The following CCDC149 variants were observed in gnomAD, a reference collection of about 807,000 sequenced individuals.
The protein encoded by CCDC149 is coiled-coil domain containing 149.
A neutral mutation model predicts 59.9 loss-of-function variants in CCDC149; 45 were observed. The ratio of observed to expected loss-of-function variants is 0.75; its 90% CI spans 0.59 to 0.96. The LOEUF (loss-of-function observed/expected upper bound fraction) is 0.96, where lower values mean the gene tolerates loss of function less well. CCDC149 is among the 40% of genes least tolerant of loss of function. CCDC149 has a pLI of 0.00. For synonymous variants in CCDC149, 245 were observed against 260.6 expected (o/e 0.94, Z 0.58); for missense variants, 584 against 664.7 (o/e 0.88, Z 1.33).
At position 24,873,671 on chromosome 4, in the gene CCDC149, TAA is replaced by T. The variant is rs776240415; in HGVS notation, c.264+8_264+9del. ...CAATAAAAAAATCTGAGATCAGAAA[TAA>T]GTCTTACCTGTTTCCTTTTTTCAGG... On this transcript the variant is annotated splice_region_variant and intron_variant, in intron 3 of 12. Transcript: ENST00000635206. 2 of 1,590,778 alleles carry T rather than the reference TAA, an allele frequency of 1.3e-6. No individual in the cohort carries two copies. Among genetic ancestry groups the T allele is most frequent in the African/African-American group, 2.7e-5 (2 of 74,458 alleles).
intron 1 of CCDC149, among the ~76,000 whole-genome samples, chr4:24,944,873 C>T (rs1723061974): frequency 6.6e-6 from 1 of 152,190 alleles, no homozygotes; most frequent in Non-Finnish European, 1.5e-5. Context: ...TCTAAGGGAG[C>T]TCACGACCAC....
intron 11 of CCDC149, among the ~76,000 whole-genome samples, chr4:24,820,536 T>G (rs1025803102): frequency 1.2e-4 from 19 of 152,008 alleles, no homozygotes; most frequent in Non-Finnish European, 2.1e-4. Context: ...AGGAGGAGGA[T>G]GAGGAGGAGA....
chr4:24,820,039 C>A, intron 11 of CCDC149, 64 bp from the exon 12 acceptor site: 1 of 1,217,232 alleles, frequency 8.2e-7, no homozygotes, highest in Non-Finnish European at 1.2e-6. Context: ...GCATTTAGTC[C>A]CACACACTTA....
intron 3 of CCDC149, 147 bp from the exon 4 acceptor site, chr4:24,853,326 G>A: frequency 1.5e-6 from 1 of 658,980 alleles, no homozygotes; most frequent in Non-Finnish European, 2.7e-6. Context: ...AATGCAGCCA[G>A]TGTGTGAATC....
chr4:24,931,157 C>T (rs1722573421), intron 1 of CCDC149, among the ~76,000 whole-genome samples: 1 of 150,582 alleles, frequency 6.6e-6, no homozygotes, highest in South Asian at 2.1e-4. Context: ...TAGGCTGTTC[C>T]ACCATGATCA....
chr4:24,843,196 T>G (rs968692104), intron 4 of CCDC149, among the ~76,000 whole-genome samples: 1 of 152,214 alleles, frequency 6.6e-6, no homozygotes, highest in Non-Finnish European at 1.5e-5. Context: ...ACAGTTGGTA[T>G]AGTTACAATT....
At chr4:24,915,562 T>G (rs1193743391), upstream of CCDC149, among the ~76,000 whole-genome samples, 1 of 152,220 alleles carries the variant, frequency 6.6e-6, no homozygotes, top group Non-Finnish European at 1.5e-5. Flanking sequence ...TTTCCCCTAT[T>G]TGCTTTCCTT....
chr4:24,813,065 G>A (rs1714736503), intron 12 of CCDC149, among the ~76,000 whole-genome samples: 1 of 152,118 alleles, frequency 6.6e-6, no homozygotes, highest in South Asian at 2.1e-4. Context: ...ATTTGGAGGT[G>A]AGGCCTTTGG....
rs115070312 is a variant in CCDC149 at position 24,851,291 on chromosome 4, C to T, written c.372+1781G>A. Among the ~76,000 whole-genome samples the T allele has an allele frequency of 4.1e-3, 620 of 152,292 alleles. 8 individuals are homozygous for T. Among genetic ancestry groups the T allele is most frequent in the African/African-American group, 0.014 (574 of 41,576 alleles). On this transcript the variant is annotated intron_variant, in intron 4 of 12. Transcript: ENST00000635206. Reference sequence around the variant, plus strand: ...TCTTTCTTTTTGAAAGAGATGGGGTCTCATTCTGTCATCCATGCTAGAGTG... The same window carrying T: ...TCTTTCTTTTTGAAAGAGATGGGGTTTCATTCTGTCATCCATGCTAGAGTG...
intron 1 of CCDC149, among the ~76,000 whole-genome samples, chr4:24,889,138 C>T (rs979367861): frequency 7.9e-5 from 12 of 152,084 alleles, no homozygotes; most frequent in South Asian, 2.1e-4. Flanking sequence ...TTTTGAATAA[C>T]GAAGGTTTGC....
intron 1 of CCDC149, among the ~76,000 whole-genome samples, chr4:24,890,202 T>C (rs1046028260): frequency 6.6e-6 from 1 of 152,204 alleles, no homozygotes; most frequent in Non-Finnish European, 1.5e-5. Flanking sequence ...TTTTCTATAA[T>C]GATATGAACA....
intron 3 of CCDC149, among the ~76,000 whole-genome samples, chr4:24,855,177 G>A (rs1043711795): frequency 2.0e-5 from 3 of 152,188 alleles, no homozygotes; most frequent in Admixed American, 1.3e-4. Flanking sequence ...AATAAGCTGA[G>A]TGTGGAGGTT....
At chr4:24,870,997 A>T (rs1719005419) in intron 3 of CCDC149, among the ~76,000 whole-genome samples, 1 of 149,536 alleles carries the variant, frequency 6.7e-6, no homozygotes, top group Admixed American at 6.8e-5. Flanking sequence ...GTGAGCTGAG[A>T]TAGCGCCACC....
chr4:24,891,780 C>T (rs753729607), intron 1 of CCDC149, among the ~76,000 whole-genome samples: 1 of 152,128 alleles, frequency 6.6e-6, no homozygotes, highest in Non-Finnish European at 1.5e-5. Context: ...AGGAGGATTG[C>T]TTGAGCCCAG....
chr4:24,823,275 G>A (rs1220450318), intron 9 of CCDC149, among the ~76,000 whole-genome samples: 1 of 152,180 alleles, frequency 6.6e-6, no homozygotes, highest in Non-Finnish European at 1.5e-5. Context: ...TGACCATTCT[G>A]AGTCACTAAG....
At position 24,858,451 on chromosome 4, in the gene CCDC149, T is replaced by G. The variant is rs118000157; in HGVS notation, c.265-5272A>C. On this transcript the variant is annotated intron_variant, in intron 3 of 12. Coordinates refer to ENST00000635206, the MANE Select transcript of CCDC149 (RefSeq NM_001330643.2). ...AGAGCCAACATTAAAGGTTGACATT[T>G]TTGCTCTGATAATAGTGGAATGTTG... is the stretch of plus-strand genomic sequence containing the variant. 6.6e-4 allele frequency among the ~76,000 whole-genome samples: 100 copies of G among 152,348 alleles called. 1 individual carries two copies. In the East Asian group the frequency reaches 0.017, roughly 26 times the overall value.
chr4:24,934,568 G>A (rs1456137162), intron 1 of CCDC149, among the ~76,000 whole-genome samples: 1 of 152,208 alleles, frequency 6.6e-6, no homozygotes, highest in African/African-American at 2.4e-5. Context: ...AGACTCAAGG[G>A]TGGAGATATG....
intron 12 of CCDC149, among the ~76,000 whole-genome samples, chr4:24,812,880 C>A (rs910356556): frequency 6.6e-6 from 1 of 152,140 alleles, no homozygotes; most frequent in Non-Finnish European, 1.5e-5. Flanking sequence ...GGGGAAACCA[C>A]CCCCATGATT....
chr4:24,822,516 A>G lies in CCDC149; in HGVS notation c.1023T>C (p.Ser341=), dbSNP rs779653689. The G allele has an allele frequency of 1.3e-6, 2 of 1,536,654 alleles. No homozygotes were observed. The highest frequency in any genetic ancestry group is 2.5e-5 in the East Asian group (1 of 39,982). The change falls in exon 10 of 13, where the codon TCT becomes TCC. Residue 341 remains serine (S), a synonymous_variant. Transcript: ENST00000635206. ...GTTTACCTGGAAGACTCCACAAACCAGAAACTTCCAGAGTTCTTAATTTTT... is the reference window on the plus strand; with the variant it reads ...GTTTACCTGGAAGACTCCACAAACCGGAAACTTCCAGAGTTCTTAATTTTT...
Sources: allele counts gnomAD v4.1 joint callset (sites outside exome capture counted in the v4.1 genomes callset), GRCh38; gene constraint gnomAD v4.1.1; transcripts MANE v1.5; gene names NCBI Gene and HGNC (gene_info 2026-07-23, HGNC 2026-07-21).